Variants in COL19A1 observed in about 807,000 individuals in gnomAD.
COL19A1 encodes collagen type XIX alpha 1 chain.
Under a neutral mutation model 190.2 loss-of-function variants are expected in COL19A1, and 159 were observed. The ratio of observed to expected loss-of-function variants is 0.84; its 90% CI spans 0.73 to 0.95. The LOEUF (loss-of-function observed/expected upper bound fraction) is 0.95. Among genes scored for constraint, COL19A1 ranks in the 40% least tolerant of loss-of-function variants. The pLI is 0.00. For synonymous variants in COL19A1, 509 were observed against 458.9 expected, an observed-to-expected ratio of 1.11 and a Z score of -1.39; for missense variants, 1,418 against 1,431.9, an observed-to-expected ratio of 0.99 and a Z score of 0.16.
chr6:70,110,608 A>G (rs182399760), intron 16 of COL19A1, among the ~76,000 whole-genome samples: 7 of 152,242 alleles, frequency 4.6e-5, no homozygotes, highest in Admixed American at 4.6e-4. Flanking sequence ...ACCTTGTGTG[A>G]CCACAGAATA....
intron 17 of COL19A1, among the ~76,000 whole-genome samples, chr6:70,125,085 G>C (rs1248011691): frequency 7.4e-6 from 1 of 135,500 alleles, no homozygotes; most frequent in Non-Finnish European, 1.6e-5. Context: ...ACCCCTGTCT[G>C]TTTTTGGACA....
At chr6:69,999,175 G>A (rs1042381032) in intron 11 of COL19A1, among the ~76,000 whole-genome samples, 3 of 151,210 alleles carry the variant, frequency 2.0e-5, no homozygotes, top group African/African-American at 7.3e-5. Context: ...TGCCCACCTC[G>A]GCCTCCCAAA....
intron 23 of COL19A1, 29 bp downstream of exon 23, chr6:70,142,849 A>T (rs756086769): frequency 6.3e-7 from 1 of 1,587,826 alleles, no homozygotes; most frequent in South Asian, 1.1e-5. Context: ...ATATTTCTGG[A>T]ATTGAAATTG....
At chr6:70,097,816 A>G (rs1783377741) in intron 15 of COL19A1, among the ~76,000 whole-genome samples, 1 of 152,136 alleles carries the variant, frequency 6.6e-6, no homozygotes, top group Non-Finnish European at 1.5e-5. Context: ...ATCTCTATCC[A>G]TCTGAAAGTT....
At chr6:70,004,355 G>T (rs746619148) in intron 11 of COL19A1, among the ~76,000 whole-genome samples, 205 of 152,076 alleles carry the variant, frequency 1.3e-3, no homozygotes, top group Non-Finnish European at 8.7e-4. Flanking sequence ...GTGTCTTGGG[G>T]TTGATCTTCT....
At chr6:70,203,114 A>G (rs1767649455) in intron 49 of COL19A1, among the ~76,000 whole-genome samples, 1 of 152,210 alleles carries the variant, frequency 6.6e-6, no homozygotes, top group Non-Finnish European at 1.5e-5. Context: ...AAATTTTCCT[A>G]ACAGACGTTA....
chr6:70,103,773 C>T (rs895782564), intron 16 of COL19A1, among the ~76,000 whole-genome samples: 9 of 152,164 alleles, frequency 5.9e-5, no homozygotes, highest in African/African-American at 2.2e-4. Flanking sequence ...CGGACAGACA[C>T]GGCATGTTAC....
chr6:70,029,591 G>A (rs1412083963), intron 12 of COL19A1, among the ~76,000 whole-genome samples: 1 of 152,122 alleles, frequency 6.6e-6, no homozygotes, highest in Non-Finnish European at 1.5e-5. Flanking sequence ...GAGCACCAGT[G>A]TGACACAAGG....
intron 15 of COL19A1, among the ~76,000 whole-genome samples, chr6:70,092,301 C>T (rs1202119194): frequency 6.6e-6 from 1 of 152,122 alleles, no homozygotes; most frequent in Non-Finnish European, 1.5e-5. Context: ...CCCATGATCC[C>T]TCCACTCCAG....
chr6:70,191,567 T>C (rs1347879133), intron 48 of COL19A1, among the ~76,000 whole-genome samples: 1 of 152,226 alleles, frequency 6.6e-6, no homozygotes, highest in Non-Finnish European at 1.5e-5. Context: ...TTCTGTCCAC[T>C]TGTAAATCAT....
At chr6:70,150,848 G>A (rs1398454130) in intron 30 of COL19A1, among the ~76,000 whole-genome samples, 6 of 152,114 alleles carry the variant, frequency 3.9e-5, no homozygotes, top group Non-Finnish European at 5.9e-5. Flanking sequence ...GGTTTACACC[G>A]TGTCTCTCTG....
intron 16 of COL19A1, among the ~76,000 whole-genome samples, chr6:70,104,910 A>G (rs1428657056): frequency 1.3e-5 from 2 of 152,200 alleles, no homozygotes; most frequent in African/African-American, 2.4e-5. Context: ...CTATAGATCA[A>G]ATGAGTTTAC....
chr6:69,895,396 T>C lies in COL19A1; in HGVS notation c.92-3552T>C, dbSNP rs145008267. On this transcript the variant is annotated intron_variant, in intron 2 of 50. Coordinates refer to ENST00000620364, the MANE Select transcript of COL19A1 (RefSeq NM_001858.6). Reference sequence around the variant, plus strand: ...GAGCTCCCACATTGAACACCAAAAATGTCGCAGGACTTTTCCTTAGTGCAG... The same window carrying C: ...GAGCTCCCACATTGAACACCAAAAACGTCGCAGGACTTTTCCTTAGTGCAG... Among the ~76,000 whole-genome samples, 212 of 152,356 alleles carry C rather than the reference T, an allele frequency of 1.4e-3. 1 individual carries two copies. Among genetic ancestry groups the C allele is most frequent in the African/African-American group, 5.0e-3 (207 of 41,574 alleles).
Position 69,955,838 on chromosome 6 carries a change from A to G in COL19A1, c.937-4158A>G, listed in dbSNP as rs376089428. ...TTTTCTGTGTAATTGCAGACAGAAG[A>G]AATAAGACTGATGGGCAAAATATGG... On this transcript the variant is annotated intron_variant, in intron 9 of 50. Transcript: ENST00000620364. Among the ~76,000 whole-genome samples the G allele has an allele frequency of 5.9e-5, 9 of 152,180 alleles. No homozygotes were observed. In the East Asian group the frequency reaches 1.7e-3, roughly 29 times the overall value.
intron 14 of COL19A1, among the ~76,000 whole-genome samples, chr6:70,049,353 T>A (rs1582778791): frequency 6.6e-6 from 1 of 152,072 alleles, no homozygotes; most frequent in East Asian, 1.9e-4. Flanking sequence ...ATTAGTTGAT[T>A]AAAATATAAG....
rs1013296601 is a variant in COL19A1 at position 70,176,747 on chromosome 6, C to CTTTTG, written c.2667+198_2667+202dup. ...TTTCCACCTCCACAATCCTCTATTTCTTTTGTTTTGTTTTGTTTTTTGTCC... is the reference window on the plus strand; with the variant it reads ...TTTCCACCTCCACAATCCTCTATTTCTTTTGTTTTGTTTTGTTTTGTTTTTTGTCC... On this transcript the variant is annotated intron_variant, in intron 42 of 50. Coordinates refer to ENST00000620364, the MANE Select transcript of COL19A1 (RefSeq NM_001858.6). 5.9e-5 allele frequency among the ~76,000 whole-genome samples: 9 copies of CTTTTG among 152,284 alleles called. No homozygotes were observed. In the South Asian group the frequency reaches 6.2e-4, roughly 11 times the overall value.
chr6:69,954,902 C>T (rs1343274926), intron 9 of COL19A1, among the ~76,000 whole-genome samples: 1 of 152,050 alleles, frequency 6.6e-6, no homozygotes, highest in Non-Finnish European at 1.5e-5. Flanking sequence ...ACGAGGAATA[C>T]TCCAGGCAGG....
intron 12 of COL19A1, among the ~76,000 whole-genome samples, chr6:70,029,904 G>A (rs982325050): frequency 9.2e-5 from 14 of 152,106 alleles, no homozygotes; most frequent in South Asian, 4.1e-4. Context: ...AGTGCCTACC[G>A]TATGCTAAAT....
At chr6:69,975,588 G>A (rs946396880) in intron 11 of COL19A1, among the ~76,000 whole-genome samples, 4 of 152,156 alleles carry the variant, frequency 2.6e-5, no homozygotes, top group Admixed American at 6.5e-5. Context: ...ACATGTATAC[G>A]TGCTGCCTTT....
Sources: allele counts gnomAD v4.1 joint callset (sites outside exome capture counted in the v4.1 genomes callset), GRCh38; gene constraint gnomAD v4.1.1; transcripts MANE v1.5; gene names NCBI Gene and HGNC (gene_info 2026-07-23, HGNC 2026-07-21).